Variants in MED4 observed in about 807,000 individuals in gnomAD.
The protein encoded by MED4 is mediator of RNA polymerase II transcription subunit 4.
A neutral mutation model predicts 35.0 loss-of-function variants in MED4; 21 were observed. The observed-to-expected ratio is 0.60, with a 90% CI of 0.43 to 0.86. The LOEUF (loss-of-function observed/expected upper bound fraction) is 0.86. Ranked by LOEUF, MED4 falls within the 40% of genes least tolerant of loss-of-function variation. The probability of loss-of-function intolerance (pLI) is 0.00; values close to 1 mark genes in which losing one functional copy is unlikely to be tolerated. For missense variants in MED4, 300 were observed against 319.4 expected (o/e 0.94, Z 0.46); for synonymous variants, 138 against 114.0 (o/e 1.21, Z -1.34).
Position 48,077,232 on chromosome 13 carries a change from A to G in MED4, c.720T>C (p.Phe240=). 6.2e-7 allele frequency: 1 copy of G among 1,601,362 alleles called. No individual in the cohort carries two copies. The highest frequency in any genetic ancestry group is 8.5e-7 in the Non-Finnish European group (1 of 1,175,898). Residue 240 remains phenylalanine, a synonymous_variant, in exon 7 of 7, where the codon TTT becomes TTC. Coordinates refer to ENST00000258648, the MANE Select transcript of MED4 (RefSeq NM_014166.4). ...NMLPPNHSSD[F]LLEPPGHNKE... ...TATTATGCCCAGGAGGTTCCAACAAAAAGTCACTACTATGATTTGGTGGTA... is the reference window on the plus strand; with the variant it reads ...TATTATGCCCAGGAGGTTCCAACAAGAAGTCACTACTATGATTTGGTGGTA...
chr13:48,079,219 T>C (rs542715077), intron 6 of MED4, among the ~76,000 whole-genome samples: 1 of 152,240 alleles, frequency 6.6e-6, no homozygotes, highest in Non-Finnish European at 1.5e-5. Context: ...TGTTCAGGAG[T>C]GTGTTCACTT....
rs1461895353 is a variant in MED4, at chr13:48,079,898, T to C, written c.586A>G (p.Asn196Asp). ...LLGQMNNPSTNGVNGHLPGDA... is the reference protein window; with the variant it reads ...LLGQMNNPSTDGVNGHLPGDA... ...CCTGGTAAATGGCCATTCACGCCAT[T>C]AGTGGAAGGATTGTTCATCTGACCC... The change falls in exon 6 of 7, where the codon AAT becomes GAT. Residue 196 changes from asparagine (N) to aspartate (D), a missense_variant. By Grantham distance (23) the Asn-to-Asp change is conservative (BLOSUM62 1). Transcript: ENST00000258648. 3.7e-6 allele frequency: 6 copies of C among 1,613,824 alleles called. No homozygotes were observed. The highest frequency in any genetic ancestry group is 5.1e-6 in the Non-Finnish European group (6 of 1,179,884).
At chr13:48,084,908 C>T (rs1255297506) in intron 3 of MED4, among the ~76,000 whole-genome samples, 1 of 151,754 alleles carries the variant, frequency 6.6e-6, no homozygotes, top group African/African-American at 2.4e-5. Context: ...CCTCTGTCGC[C>T]CAGGCTGGAG....
At chr13:48,090,291 G>GT (rs893438647) in intron 2 of MED4, 61 bp downstream of exon 2, 16 of 1,330,146 alleles carry the variant, frequency 1.2e-5, no homozygotes, top group Non-Finnish European at 1.4e-5. Context: ...CAGAAATCAA[G>GT]TTTTTTTCTT....
chr13:48,079,478 C>T (rs1436497561), intron 6 of MED4, among the ~76,000 whole-genome samples: 1 of 152,166 alleles, frequency 6.6e-6, no homozygotes, highest in Admixed American at 6.5e-5. Flanking sequence ...CACTGGCTCA[C>T]ACCTGTAATT....
intron 3 of MED4, among the ~76,000 whole-genome samples, chr13:48,084,337 A>G (rs1272588937): frequency 1.3e-5 from 2 of 151,830 alleles, no homozygotes; most frequent in Non-Finnish European, 2.9e-5. Flanking sequence ...TCTACTTTTT[A>G]GCCTCCATGG....
At position 48,081,723 on chromosome 13, in the gene MED4, A is replaced by G; in HGVS notation, c.430T>C (p.Ser144Pro). 1 of 1,607,256 alleles carries G rather than the reference A, an allele frequency of 6.2e-7. No individual in the cohort carries two copies. Among genetic ancestry groups the G allele is most frequent in the Non-Finnish European group, 8.5e-7 (1 of 1,176,234 alleles). Residue 144 changes from serine (S) to proline (P), a missense_variant, in exon 5 of 7, where the codon TCC (serine) becomes CCC (proline). Ser to Pro is a moderately conservative substitution (Grantham distance 74). Coordinates refer to ENST00000258648, the MANE Select transcript of MED4 (RefSeq NM_014166.4). ...SIEKARKGAI[S>P]SEEIIKYAHR... ...GCATACTTAATTATTTCTTCAGAGG[A>G]GATAGCACCTGAAAGAGTTTTAAGA... is the stretch of plus-strand genomic sequence containing the variant.
intron 3 of MED4, 47 bp downstream of exon 3, chr13:48,086,235 T>G (rs1455416661): frequency 6.4e-7 from 1 of 1,560,646 alleles, no homozygotes; most frequent in Non-Finnish European, 8.8e-7. Context: ...AGAAACAGAT[T>G]AAACAACATC....
At chr13:48,077,545 G>A (rs1950770223) in intron 6 of MED4, 1 of 305,360 alleles carries the variant, frequency 3.3e-6, no homozygotes, top group Non-Finnish European at 6.0e-6. Context: ...CTGAGTAACT[G>A]GGTTACAGGT....
rs529998785 is a variant in MED4, at chr13:48,082,404, G to GT, written c.422-674dup. 5.5e-3 allele frequency among the ~76,000 whole-genome samples: 837 copies of GT among 152,280 alleles called. 10 individuals are homozygous for GT. Among genetic ancestry groups the GT allele is most frequent in the African/African-American group, 0.019 (770 of 41,554 alleles). On this transcript the variant is annotated intron_variant, in intron 4 of 6. Coordinates refer to ENST00000258648, the MANE Select transcript of MED4 (RefSeq NM_014166.4). ...AGATACTGTTTCAATGTAACAAAGT[G>GT]TATGTGTGTACAGTTTTTGAAGATT... is the stretch of plus-strand genomic sequence containing the variant.
At chr13:48,088,847 G>A (rs1950870603) in intron 2 of MED4, among the ~76,000 whole-genome samples, 1 of 152,132 alleles carries the variant, frequency 6.6e-6, no homozygotes, top group South Asian at 2.1e-4. Flanking sequence ...ATGGTGGCTA[G>A]AAAATTTTCA....
At chr13:48,084,659 TA>T (rs1046898293) in intron 3 of MED4, among the ~76,000 whole-genome samples, 5 of 152,240 alleles carry the variant, frequency 3.3e-5, no homozygotes, top group Middle Eastern at 3.4e-3. Context: ...TACAATTACC[TA>T]AAAAATTAAT....
At chr13:48,083,458 T>G (rs1477419021) in intron 3 of MED4, 30 bp from the exon 4 acceptor site, 1 of 1,598,634 alleles carries the variant, frequency 6.3e-7, no homozygotes, top group Admixed American at 1.7e-5. Context: ...AAAAACGTGG[T>G]TTATTCTTCA....
intron 1 of MED4, among the ~76,000 whole-genome samples, chr13:48,094,523 A>G (rs1950912476): frequency 6.6e-6 from 1 of 152,028 alleles, no homozygotes. Context: ...TGCCCTGACT[A>G]CAACCAAAAA....
At chr13:48,078,681 A>G (rs1950779918) in intron 6 of MED4, among the ~76,000 whole-genome samples, 1 of 152,168 alleles carries the variant, frequency 6.6e-6, no homozygotes, top group South Asian at 2.1e-4. Flanking sequence ...GCTGGGGAAG[A>G]CTGTTTTTAG....
chr13:48,079,764 G>T, intron 6 of MED4, 80 bp downstream of exon 6: 1 of 1,488,484 alleles, frequency 6.7e-7, no homozygotes, highest in Non-Finnish European at 9.1e-7. Flanking sequence ...TCTCAAACTT[G>T]CTTTACCGCC....
intron 3 of MED4, among the ~76,000 whole-genome samples, chr13:48,084,694 G>T (rs1369806392): frequency 6.6e-6 from 1 of 152,080 alleles, no homozygotes; most frequent in Non-Finnish European, 1.5e-5. Context: ...AAAGGAAATA[G>T]ACCAAACTAT....
intron 6 of MED4, among the ~76,000 whole-genome samples, chr13:48,078,808 T>A (rs1248754133): frequency 6.6e-6 from 1 of 152,162 alleles, no homozygotes; most frequent in African/African-American, 2.4e-5. Flanking sequence ...TGAGTTCCCC[T>A]GGTTGTACTT....
intron 1 of MED4, chr13:48,093,591 A>G (rs757915571): frequency 2.1e-6 from 1 of 470,384 alleles, no homozygotes; most frequent in South Asian, 1.6e-5. Flanking sequence ...CAGTCACACC[A>G]CCAGAGCAGC....
Sources: allele counts gnomAD v4.1 joint callset (sites outside exome capture counted in the v4.1 genomes callset), GRCh38; gene constraint gnomAD v4.1.1; transcripts MANE v1.5; gene names NCBI Gene and HGNC (gene_info 2026-07-23, HGNC 2026-07-21).